NELL1: variants seen among roughly 807,000 people sequenced by gnomAD.
NELL1 encodes protein kinase C-binding protein NELL1.
A neutral mutation model predicts 107.4 loss-of-function variants in NELL1; 76 were observed. The observed-to-expected ratio is 0.71, with a 90% confidence interval of 0.59 to 0.86. The LOEUF is 0.86. Among genes scored for constraint, NELL1 ranks in the 40% least tolerant of loss-of-function variants. NELL1 has a pLI of 0.00. For missense variants in NELL1, 1,024 were observed against 1,005.5 expected, an observed-to-expected ratio of 1.02 and a Z score of -0.25; for synonymous variants, 353 against 341.2, an observed-to-expected ratio of 1.03 and a Z score of -0.38.
rs369430544 is a variant in NELL1, at chr11:21,100,209, G to T, written c.1301-13380G>T. Among the ~76,000 whole-genome samples the T allele has an allele frequency of 1.2e-4, 19 of 152,046 alleles. No individual in the cohort carries two copies. The South Asian group carries it at 3.9e-3, about 32-fold the overall frequency. The stretch of plus-strand genomic sequence containing the variant: ...TTTTTTGTATTTTTAGTAGAGACAG[G>T]GTTTCGCCACGTTGCCCAGGCTGGT... On this transcript the variant is annotated intron_variant, in intron 12 of 19. Coordinates refer to ENST00000357134, the MANE Select transcript of NELL1 (RefSeq NM_006157.5).
intron 2 of NELL1, among the ~76,000 whole-genome samples, chr11:20,717,461 A>C (rs1262109766): frequency 6.6e-6 from 1 of 152,078 alleles, no homozygotes. Flanking sequence ...GTTCCTTTAC[A>C]CAAGGAACTT....
chr11:20,695,607 A>G (rs1345207600), intron 2 of NELL1, among the ~76,000 whole-genome samples: 5 of 151,894 alleles, frequency 3.3e-5, no homozygotes, highest in Non-Finnish European at 7.4e-5. Flanking sequence ...TGATTTGTGT[A>G]TGTTGATTAC....
intron 15 of NELL1, among the ~76,000 whole-genome samples, chr11:21,465,218 C>T (rs112047392): frequency 2.6e-5 from 4 of 152,142 alleles, no homozygotes; most frequent in African/African-American, 9.6e-5. Flanking sequence ...TAGAGTTGCT[C>T]TCCTTTTATC....
At chr11:20,952,516 G>C (rs1851088709) in intron 11 of NELL1, among the ~76,000 whole-genome samples, 1 of 152,150 alleles carries the variant, frequency 6.6e-6, no homozygotes, top group African/African-American at 2.4e-5. Flanking sequence ...GAGAAGAAAA[G>C]AGACCTGAGA....
intron 12 of NELL1, among the ~76,000 whole-genome samples, chr11:21,103,518 T>C (rs921870295): frequency 1.8e-4 from 28 of 152,182 alleles, no homozygotes; most frequent in African/African-American, 6.5e-4. Context: ...ACCTGTGTGG[T>C]ACTTGTAAAG....
chr11:21,336,521 A>G (rs555089637), intron 14 of NELL1, among the ~76,000 whole-genome samples: 351 of 152,106 alleles, frequency 2.3e-3, no homozygotes, highest in African/African-American at 8.2e-3. Flanking sequence ...CACAAAAAAA[A>G]GAAGGACCAA....
At chr11:21,297,381 T>G (rs1032235427) in intron 14 of NELL1, among the ~76,000 whole-genome samples, 1 of 152,060 alleles carries the variant, frequency 6.6e-6, no homozygotes, top group Non-Finnish European at 1.5e-5. Context: ...TAATTTCTGT[T>G]GAAGGTGTAC....
intron 14 of NELL1, among the ~76,000 whole-genome samples, chr11:21,308,489 A>G (rs918868317): frequency 6.6e-6 from 1 of 152,078 alleles, no homozygotes; most frequent in Admixed American, 6.6e-5. Context: ...TGAAAATGTG[A>G]TGAAAGCAGC....
chr11:21,488,859 A>G lies in NELL1; in HGVS notation c.1646-45515A>G, dbSNP rs144857971. ...AAGAAAGATTTCAAATAATAACCTAATGATGCACCTTAAGGAACTGGAAAA... is the reference window on the plus strand; with the variant it reads ...AAGAAAGATTTCAAATAATAACCTAGTGATGCACCTTAAGGAACTGGAAAA... On this transcript the variant is annotated intron_variant, in intron 15 of 19. Transcript: ENST00000357134. Among the ~76,000 whole-genome samples the G allele has an allele frequency of 1.9e-3, 289 of 152,240 alleles. 9 individuals are homozygous for G. The East Asian group carries it at 0.052, about 27-fold the overall frequency.
At chr11:21,475,150 C>T (rs1161474453) in intron 15 of NELL1, among the ~76,000 whole-genome samples, 1 of 152,082 alleles carries the variant, frequency 6.6e-6, no homozygotes, top group Non-Finnish European at 1.5e-5. Context: ...CTAAATTTTT[C>T]CTTTGCCTTA....
intron 2 of NELL1, among the ~76,000 whole-genome samples, chr11:20,684,369 G>A (rs567930749): frequency 4.0e-5 from 6 of 151,888 alleles, no homozygotes; most frequent in South Asian, 4.2e-4. Flanking sequence ...TCAAGGTTAC[G>A]AAACTTCTGT....
At chr11:20,890,024 C>T (rs925628447) in intron 5 of NELL1, among the ~76,000 whole-genome samples, 4 of 152,164 alleles carry the variant, frequency 2.6e-5, no homozygotes, top group African/African-American at 7.2e-5. Context: ...TTAAACAGGT[C>T]CTGCTCCCTG....
intron 2 of NELL1, among the ~76,000 whole-genome samples, chr11:20,721,345 C>T (rs1390469296): frequency 6.6e-6 from 1 of 151,662 alleles, no homozygotes; most frequent in Non-Finnish European, 1.5e-5. Flanking sequence ...CAACAACCCT[C>T]AAATCTCAGT....
intron 12 of NELL1, among the ~76,000 whole-genome samples, chr11:21,030,145 C>A (rs988035979): frequency 1.3e-5 from 2 of 152,100 alleles, no homozygotes. Flanking sequence ...TTAGATATTT[C>A]TTTAGGGGTC....
At chr11:21,132,767 G>A (rs984129144) in intron 13 of NELL1, among the ~76,000 whole-genome samples, 2 of 151,964 alleles carry the variant, frequency 1.3e-5, no homozygotes, top group Non-Finnish European at 2.9e-5. Flanking sequence ...TTGACATGGT[G>A]AGCAGTGGGG....
At chr11:21,299,104 C>A (rs908199871) in intron 14 of NELL1, among the ~76,000 whole-genome samples, 1 of 151,968 alleles carries the variant, frequency 6.6e-6, no homozygotes, top group Non-Finnish European at 1.5e-5. Context: ...CTCCCAGGAT[C>A]CCCACTGAGT....
chr11:21,375,807 G>A (rs1851461651), intron 15 of NELL1, among the ~76,000 whole-genome samples: 1 of 152,102 alleles, frequency 6.6e-6, no homozygotes, highest in Non-Finnish European at 1.5e-5. Context: ...GATTAGTAAT[G>A]TTGAGCATTA....
chr11:21,027,302 TTA>T (rs1200996656), intron 12 of NELL1, among the ~76,000 whole-genome samples: 4 of 147,856 alleles, frequency 2.7e-5, no homozygotes, highest in African/African-American at 1.1e-4. Context: ...TTAGTTTAGT[TTA>T]GTTTAGTTTA....
At chr11:21,189,009 A>G (rs996149917) in intron 13 of NELL1, among the ~76,000 whole-genome samples, 4 of 151,854 alleles carry the variant, frequency 2.6e-5, no homozygotes, top group African/African-American at 9.7e-5. Context: ...CTATGTCCCT[A>G]TATTTAAAAC....
Sources: gnomAD v4.1 joint callset for allele counts (sites outside exome capture counted in the v4.1 genomes callset) on GRCh38, gnomAD v4.1.1 for gene constraint, MANE v1.5 for transcripts, NCBI Gene and HGNC (gene_info 2026-07-23, HGNC 2026-07-21) for gene names.